The following KCNK2 variants were observed in gnomAD, a reference collection of about 807,000 sequenced individuals.
KCNK2 encodes potassium channel subfamily K member 2.
In KCNK2, 21 loss-of-function variants were observed where a neutral mutation model predicts 40.5. The ratio of observed to expected loss-of-function variants is 0.52; its 90% CI spans 0.37 to 0.75. The LOEUF is 0.75. KCNK2 is among the 30% of genes least tolerant of loss of function. The pLI is 0.00. For synonymous variants in KCNK2, 191 were observed against 202.2 expected (o/e 0.94, Z 0.47); for missense variants, 399 against 531.6 (o/e 0.75, Z 2.45).
At chr1:215,128,996 G>A (rs1661555994) in intron 3 of KCNK2, among the ~76,000 whole-genome samples, 1 of 152,192 alleles carries the variant, frequency 6.6e-6, no homozygotes, top group African/African-American at 2.4e-5. Flanking sequence ...TTGTCTGAGA[G>A]AGCAGTTAGG....
chr1:215,216,649 G>A (rs1375946401), intron 6 of KCNK2, among the ~76,000 whole-genome samples: 1 of 135,062 alleles, frequency 7.4e-6, no homozygotes, highest in East Asian at 2.1e-4. Flanking sequence ...ATAAACAGGT[G>A]AAATTAATTT....
intron 5 of KCNK2, among the ~76,000 whole-genome samples, chr1:215,191,768 T>C (rs535566539): frequency 6.6e-6 from 1 of 152,186 alleles, no homozygotes; most frequent in African/African-American, 2.4e-5. Context: ...TGGAAAGGAT[T>C]TATGTGCATG....
chr1:215,169,447 G>A (rs1487050418), intron 4 of KCNK2, 88 bp downstream of exon 4: 2 of 1,021,256 alleles, frequency 2.0e-6, no homozygotes, highest in Non-Finnish European at 1.4e-6. Flanking sequence ...GATACAATTA[G>A]ACATTCAATT....
At chr1:215,177,794 G>A (rs146854749) in intron 5 of KCNK2, among the ~76,000 whole-genome samples, 1 of 136,864 alleles carries the variant, frequency 7.3e-6, no homozygotes, top group East Asian at 2.1e-4. Flanking sequence ...CCCTTGTAGT[G>A]TTGTTTGAAG....
At chr1:215,199,776 G>A (rs1037824314) in intron 6 of KCNK2, among the ~76,000 whole-genome samples, 2 of 152,176 alleles carry the variant, frequency 1.3e-5, no homozygotes, top group Admixed American at 6.5e-5. Context: ...AGGCATAATA[G>A]AAATAAGATG....
At chr1:215,171,461 A>G (rs1177078415) in intron 4 of KCNK2, among the ~76,000 whole-genome samples, 1 of 152,172 alleles carries the variant, frequency 6.6e-6, no homozygotes, top group East Asian at 1.9e-4. Flanking sequence ...TAAATTGATG[A>G]TAAGAAAAAG....
chr1:215,090,711 A>G (rs1383675438), intron 2 of KCNK2, among the ~76,000 whole-genome samples: 1 of 152,190 alleles, frequency 6.6e-6, no homozygotes, highest in African/African-American at 2.4e-5. Flanking sequence ...AAAATATCTT[A>G]TAGGACATTT....
At chr1:215,089,632 T>A (rs1332114120) in intron 2 of KCNK2, among the ~76,000 whole-genome samples, 1 of 152,046 alleles carries the variant, frequency 6.6e-6, no homozygotes, top group Non-Finnish European at 1.5e-5. Context: ...TATAGAAGCA[T>A]GTGTGTATGT....
At chr1:215,220,217 TAG>T (rs1354727611) in intron 6 of KCNK2, among the ~76,000 whole-genome samples, 1 of 152,234 alleles carries the variant, frequency 6.6e-6, no homozygotes, top group Non-Finnish European at 1.5e-5. Flanking sequence ...TCTGATATAA[TAG>T]AGTTACTTCT....
chr1:215,008,496 A>G (rs1009490943), intron 1 of KCNK2, among the ~76,000 whole-genome samples: 10 of 152,152 alleles, frequency 6.6e-5, no homozygotes, highest in Non-Finnish European at 1.3e-4. Flanking sequence ...ACTTATAAAC[A>G]GAGTGACTTT....
chr1:215,021,537 CTTTTTTTTT>C (rs538476962), intron 1 of KCNK2, among the ~76,000 whole-genome samples: 48,910 of 98,176 alleles, frequency 0.5, 10,804 homozygotes, highest in Non-Finnish European at 0.56. Flanking sequence ...GGACAACCAT[CTTTTTTTTT>C]TTTTTTTTTT....
intron 1 of KCNK2, among the ~76,000 whole-genome samples, chr1:215,020,704 G>A (rs2102477744): frequency 6.6e-6 from 1 of 152,324 alleles, no homozygotes; most frequent in East Asian, 1.9e-4. Context: ...GATTATAGGA[G>A]TGAGACACCG....
At chr1:215,021,482 CAAA>C (rs113264271) in intron 1 of KCNK2, among the ~76,000 whole-genome samples, 1 of 144,904 alleles carries the variant, frequency 6.9e-6, no homozygotes. Context: ...CTTGCTAGAA[CAAA>C]AAGACAGAGG....
At chr1:215,038,360 A>T (rs1165304783) in intron 1 of KCNK2, among the ~76,000 whole-genome samples, 1 of 152,108 alleles carries the variant, frequency 6.6e-6, no homozygotes, top group African/African-American at 2.4e-5. Flanking sequence ...GGAAGGTCTT[A>T]CTTGCTGTTT....
chr1:215,197,742 G>A (rs967792035), intron 6 of KCNK2, among the ~76,000 whole-genome samples: 1 of 152,152 alleles, frequency 6.6e-6, no homozygotes, highest in Non-Finnish European at 1.5e-5. Context: ...GCTTACGCCT[G>A]TAATCCCAGC....
At position 215,236,183 on chromosome 1, in the gene KCNK2, A is replaced by G. The variant is rs556128127; in HGVS notation, c.*1038A>G. 3.9e-5 allele frequency: 6 copies of G among 152,348 alleles called. No individual in the cohort carries two copies. Among genetic ancestry groups the G allele is most frequent in the African/African-American group, 1.4e-4 (6 of 41,536 alleles). The allele number at this position is 152,348 out of a possible 1,614,324, so 9.4% of individuals were successfully genotyped here. On this transcript the variant is annotated 3_prime_UTR_variant, in exon 7 of 7. Coordinates refer to ENST00000444842, the MANE Select transcript of KCNK2 (RefSeq NM_001017425.3). Reference sequence around the variant, plus strand: ...TGGGTGTGAATTATCATTCTGATGGAAAGAAAATAGCAAAACAATGTGTTA... The same window carrying G: ...TGGGTGTGAATTATCATTCTGATGGGAAGAAAATAGCAAAACAATGTGTTA...
chr1:215,030,610 C>T (rs1657152548), intron 1 of KCNK2, among the ~76,000 whole-genome samples: 1 of 151,854 alleles, frequency 6.6e-6, no homozygotes, highest in South Asian at 2.1e-4. Context: ...TCATGGATCA[C>T]TGCAGCTTCG....
At chr1:215,097,756 A>G (rs150902782) in intron 2 of KCNK2, among the ~76,000 whole-genome samples, 14 of 152,096 alleles carry the variant, frequency 9.2e-5, no homozygotes, top group African/African-American at 3.1e-4. Flanking sequence ...AGAAGTTTAT[A>G]TTTCCTTGTG....
At chr1:215,025,670 C>A (rs1656977876) in intron 1 of KCNK2, among the ~76,000 whole-genome samples, 1 of 151,982 alleles carries the variant, frequency 6.6e-6, no homozygotes, top group Admixed American at 6.6e-5. Flanking sequence ...TTTCTTGCAT[C>A]TTACTTTTTT....
Sources: gnomAD v4.1 joint callset for allele counts (sites outside exome capture counted in the v4.1 genomes callset) on GRCh38, gnomAD v4.1.1 for gene constraint, MANE v1.5 for transcripts, NCBI Gene and HGNC (gene_info 2026-07-23, HGNC 2026-07-21) for gene names.